Variants in PNPT1 observed in about 807,000 individuals in gnomAD.
The protein encoded by PNPT1 is polyribonucleotide nucleotidyltransferase 1, mitochondrial.
Under a neutral mutation model 119.5 loss-of-function variants are expected in PNPT1, and 53 were observed. The ratio of observed to expected loss-of-function variants is 0.44; its 90% confidence interval spans 0.36 to 0.56. The LOEUF (loss-of-function observed/expected upper bound fraction) is 0.56, where lower values mean the gene tolerates loss of function less well. PNPT1 is among the 20% of genes least tolerant of loss of function. The pLI, the probability that PNPT1 is intolerant of heterozygous loss-of-function variation, is 0.00. For missense variants in PNPT1, 948 were observed against 938.5 expected (o/e 1.01, Z -0.13); for synonymous variants, 357 against 322.1 (o/e 1.11, Z -1.16).
intron 13 of PNPT1, among the ~76,000 whole-genome samples, chr2:55,663,151 T>C (rs1055404415): frequency 6.6e-6 from 1 of 152,246 alleles, no homozygotes; most frequent in South Asian, 2.1e-4. Context: ...CCCAAAGTGC[T>C]GGGATTACAG....
chr2:55,645,494 C>G, intron 21 of PNPT1, 62 bp from the exon 22 acceptor site: 1 of 1,101,362 alleles, frequency 9.1e-7, no homozygotes, highest in Non-Finnish European at 1.4e-6. Flanking sequence ...AAATACTGTA[C>G]TCTTAGTTTT....
rs1471249551 is a variant in PNPT1, at chr2:55,693,544, G to A, written c.161+119C>T. 6 of 1,403,628 alleles carry A rather than the reference G, an allele frequency of 4.3e-6. No individual in the cohort carries two copies. In the South Asian group the frequency reaches 6.9e-5, roughly 16 times the overall value. The allele number at this position is 1,403,628 out of a possible 1,614,324, so 86.9% of individuals were successfully genotyped here. On this transcript the variant is annotated intron_variant, in intron 1 of 27. Coordinates refer to ENST00000447944, the MANE Select transcript of PNPT1 (RefSeq NM_033109.5). The stretch of plus-strand genomic sequence containing the variant: ...AAGGGAAATTTGGAATTTAGGTTTA[G>A]GGTAAGGAGAGATTAAATAGAGCTG...
chr2:55,687,609 T>A (rs1363414957), intron 2 of PNPT1, 36 bp downstream of exon 2: 1 of 1,508,650 alleles, frequency 6.6e-7, no homozygotes, highest in African/African-American at 1.4e-5. Context: ...TCCGTAACCA[T>A]TTTTAAGATG....
intron 15 of PNPT1, among the ~76,000 whole-genome samples, chr2:55,657,587 T>C (rs950871960): frequency 4.0e-5 from 6 of 151,376 alleles, no homozygotes; most frequent in Non-Finnish European, 7.4e-5. Flanking sequence ...AGTTTCACCA[T>C]GTTGGTCAGG....
chr2:55,637,140 T>C (rs928277341), intron 27 of PNPT1, among the ~76,000 whole-genome samples: 5 of 152,214 alleles, frequency 3.3e-5, no homozygotes, highest in African/African-American at 9.6e-5. Context: ...ATATGAATTC[T>C]AGGCCTGAAT....
intron 14 of PNPT1, 63 bp downstream of exon 14, chr2:55,661,893 T>G: frequency 1.5e-6 from 2 of 1,368,868 alleles, no homozygotes; most frequent in Non-Finnish European, 1.9e-6. Flanking sequence ...ATATACCACA[T>G]AAGCTTTAAT....
At position 55,679,860 on chromosome 2, in the gene PNPT1, A is replaced by G. The variant is rs991989525; in HGVS notation, c.566-65T>C. The G allele has an allele frequency of 6.3e-6, 7 of 1,107,438 alleles. No individual in the cohort carries two copies. In the African/African-American group the frequency reaches 1.1e-4, roughly 18 times the overall value. The allele number at this position is 1,107,438 out of a possible 1,614,324, so 68.6% of individuals were successfully genotyped here. ...TACCCAGTTTTCAAGACATTATTCC[A>G]GTCATGGCTTCAACCCCATCTTTGA... On this transcript the variant is annotated intron_variant, in intron 7 of 27. Transcript: ENST00000447944.
chr2:55,655,661 C>A (rs1696363033), intron 17 of PNPT1, among the ~76,000 whole-genome samples: 1 of 152,212 alleles, frequency 6.6e-6, no homozygotes, highest in African/African-American at 2.4e-5. Context: ...GTCTGTTACA[C>A]CTTTAAGAAC....
Position 55,644,744 on chromosome 2 carries a change from T to C in PNPT1, c.1823-24A>G, listed in dbSNP as rs1250923191. On this transcript the variant is annotated intron_variant, in intron 22 of 27. Transcript: ENST00000447944. ...TTCTGGAACGTAATACAGACAAATA[T>C]ATAAACAATTCAACTACATACATGA... 4.5e-6 allele frequency: 7 copies of C among 1,551,056 alleles called. No homozygotes were observed. The East Asian group carries it at 1.4e-4, about 30-fold the overall frequency.
At chr2:55,652,592 G>C (rs1335373030) in intron 18 of PNPT1, among the ~76,000 whole-genome samples, 1 of 152,136 alleles carries the variant, frequency 6.6e-6, no homozygotes, top group Non-Finnish European at 1.5e-5. Context: ...TCTCTGACCT[G>C]TTGATCAGAT....
intron 1 of PNPT1, among the ~76,000 whole-genome samples, chr2:55,690,932 G>C (rs766015504): frequency 1.3e-5 from 2 of 152,192 alleles, no homozygotes; most frequent in African/African-American, 2.4e-5. Context: ...GCTGAAATCA[G>C]TATTAAGTAA....
chr2:55,687,030 C>T lies in PNPT1; in HGVS notation c.223-586G>A, dbSNP rs148664070. ...GAGATCAACACCATCCTGGCTAACA[C>T]GGTGAAACCTCGACTCTACTAAAAA... On this transcript the variant is annotated intron_variant, in intron 2 of 27. Coordinates refer to ENST00000447944, the MANE Select transcript of PNPT1 (RefSeq NM_033109.5). Among the ~76,000 whole-genome samples the T allele has an allele frequency of 5.3e-4, 80 of 151,882 alleles. No individual in the cohort carries two copies. The South Asian group carries it at 8.3e-3, about 16-fold the overall frequency.
chr2:55,657,138 G>C (rs929569889), intron 15 of PNPT1, among the ~76,000 whole-genome samples: 1 of 152,000 alleles, frequency 6.6e-6, no homozygotes, highest in African/African-American at 2.4e-5. Context: ...AAACTAGCCT[G>C]GCCAACATGG....
intron 11 of PNPT1, 74 bp downstream of exon 11, chr2:55,671,245 G>A: frequency 1.4e-6 from 1 of 718,766 alleles, no homozygotes. Flanking sequence ...TTAATCCCAA[G>A]AAGCAAGAGT....
chr2:55,655,202 T>G (rs563642355), intron 17 of PNPT1, among the ~76,000 whole-genome samples: 1 of 152,296 alleles, frequency 6.6e-6, no homozygotes, highest in Admixed American at 6.5e-5. Flanking sequence ...ATTCTTCAAC[T>G]AGATAGGACA....
At chr2:55,659,391 C>T (rs983039103) in intron 15 of PNPT1, among the ~76,000 whole-genome samples, 4 of 152,150 alleles carry the variant, frequency 2.6e-5, no homozygotes, top group African/African-American at 2.4e-5. Context: ...TAATACTAAA[C>T]GTCTCATCTT....
At chr2:55,649,952 G>A (rs1696117980) in intron 18 of PNPT1, among the ~76,000 whole-genome samples, 1 of 152,154 alleles carries the variant, frequency 6.6e-6, no homozygotes, top group Admixed American at 6.5e-5. Context: ...TTGGAAAAAT[G>A]CTGGCTTTAA....
intron 18 of PNPT1, among the ~76,000 whole-genome samples, chr2:55,653,267 A>G (rs375192333): frequency 6.6e-6 from 1 of 152,204 alleles, no homozygotes; most frequent in Admixed American, 6.5e-5. Context: ...TTCTCTTCCA[A>G]TAATAAGAAC....
At chr2:55,661,182 T>G (rs1038652174) in intron 14 of PNPT1, among the ~76,000 whole-genome samples, 1 of 136,328 alleles carries the variant, frequency 7.3e-6, no homozygotes, top group Non-Finnish European at 1.5e-5. Context: ...AACCTCCACC[T>G]CCTGGGTTCA....
Sources: allele counts gnomAD v4.1 joint callset (sites outside exome capture counted in the v4.1 genomes callset), GRCh38; gene constraint gnomAD v4.1.1; transcripts MANE v1.5; gene names NCBI Gene and HGNC (gene_info 2026-07-23, HGNC 2026-07-21).